GRIK4: variants seen among roughly 807,000 people sequenced by gnomAD.
The protein encoded by GRIK4 is glutamate ionotropic receptor kainate type subunit 4.
GRIK4 carries 40 observed loss-of-function variants against 104.9 expected under a neutral mutation model. That is an observed-to-expected ratio of 0.38 (90% CI 0.30 to 0.50). The LOEUF (loss-of-function observed/expected upper bound fraction) is 0.50. Among genes scored for constraint, GRIK4 ranks in the 20% least tolerant of loss-of-function variants. The probability of loss-of-function intolerance (pLI) is 0.93; values close to 1 mark genes in which losing one functional copy is unlikely to be tolerated. For synonymous variants in GRIK4, 485 were observed against 524.9 expected, an observed-to-expected ratio of 0.92 and a Z score of 1.04; for missense variants, 1,047 against 1,308.1, an observed-to-expected ratio of 0.80 and a Z score of 3.08.
At chr11:120,616,330 A>G (rs1227786731) in intron 1 of GRIK4, among the ~76,000 whole-genome samples, 1 of 152,112 alleles carries the variant, frequency 6.6e-6, no homozygotes, top group Admixed American at 6.5e-5. Context: ...TTACTAAGAG[A>G]TCCGCAGGTG....
At chr11:120,755,646 A>G (rs1482833029) in intron 3 of GRIK4, among the ~76,000 whole-genome samples, 2 of 150,586 alleles carry the variant, frequency 1.3e-5, no homozygotes, top group African/African-American at 2.4e-5. Context: ...ATAATAAATA[A>G]TAATAATAAT....
At chr11:120,787,746 A>T (rs1952310808) in intron 3 of GRIK4, among the ~76,000 whole-genome samples, 1 of 151,666 alleles carries the variant, frequency 6.6e-6, no homozygotes, top group South Asian at 2.1e-4. Flanking sequence ...TACAGGTGTG[A>T]GCCACCGCAC....
intron 1 of GRIK4, among the ~76,000 whole-genome samples, chr11:120,649,584 G>A (rs935388244): frequency 6.6e-6 from 1 of 152,116 alleles, no homozygotes; most frequent in Non-Finnish European, 1.5e-5. Context: ...CTGGCTTCAG[G>A]TGGTGGCATT....
chr11:120,655,550 C>A (rs1036588442), intron 2 of GRIK4, among the ~76,000 whole-genome samples: 1 of 152,140 alleles, frequency 6.6e-6, no homozygotes, highest in South Asian at 2.1e-4. Context: ...TGTAAGAAGC[C>A]CCTGGCTGCT....
At chr11:120,643,975 T>G (rs905189036) in intron 1 of GRIK4, among the ~76,000 whole-genome samples, 3 of 151,734 alleles carry the variant, frequency 2.0e-5, no homozygotes, top group Non-Finnish European at 4.4e-5. Context: ...ATAATAGTAC[T>G]TTATATATAG....
chr11:120,948,842 C>T (rs1943929354), intron 14 of GRIK4, among the ~76,000 whole-genome samples: 2 of 152,166 alleles, frequency 1.3e-5, no homozygotes, highest in South Asian at 4.1e-4. Context: ...TATGAGTTAA[C>T]TCACTGAGTT....
chr11:120,948,789 C>T (rs370599398), intron 14 of GRIK4, among the ~76,000 whole-genome samples: 33 of 152,320 alleles, frequency 2.2e-4, no homozygotes, highest in African/African-American at 7.2e-4. Flanking sequence ...CCTTCACTCA[C>T]GGCTACCATT....
At chr11:120,642,395 C>T (rs535343245) in intron 1 of GRIK4, among the ~76,000 whole-genome samples, 10 of 152,074 alleles carry the variant, frequency 6.6e-5, no homozygotes, top group South Asian at 2.1e-4. Context: ...AGAACATTGA[C>T]GGAGCAGCTG....
At chr11:120,561,609 C>A (rs1948239981) in intron 1 of GRIK4, among the ~76,000 whole-genome samples, 1 of 152,192 alleles carries the variant, frequency 6.6e-6, no homozygotes. Flanking sequence ...AAAGGGTGTC[C>A]CAGGCCACAC....
At position 120,911,979 on chromosome 11, in the gene GRIK4, T is replaced by A. The variant is rs531879865; in HGVS notation, c.1476+6486T>A. On this transcript the variant is annotated intron_variant, in intron 13 of 20. Coordinates refer to ENST00000527524, the MANE Select transcript of GRIK4 (RefSeq NM_014619.5). ...CCTGGTAATACCCATGGCTAACACT[T>A]CTGTATCATGCCTTCTAATTTTTAA... Among the ~76,000 whole-genome samples, 7 of 152,364 alleles carry A rather than the reference T, an allele frequency of 4.6e-5. No homozygotes were observed. In the South Asian group the frequency reaches 1.5e-3, roughly 32 times the overall value.
intron 3 of GRIK4, among the ~76,000 whole-genome samples, chr11:120,747,590 G>C (rs1951467755): frequency 6.6e-6 from 1 of 152,216 alleles, no homozygotes; most frequent in Admixed American, 6.5e-5. Context: ...TTACTTTGGA[G>C]GTCTTCAGAA....
At chr11:120,968,907 C>T (rs1170461380) in intron 19 of GRIK4, among the ~76,000 whole-genome samples, 2 of 152,158 alleles carry the variant, frequency 1.3e-5, no homozygotes, top group Non-Finnish European at 2.9e-5. Context: ...TTGGCTCATC[C>T]CTGGGCCCAG....
intron 3 of GRIK4, among the ~76,000 whole-genome samples, chr11:120,712,161 G>A (rs549184034): frequency 6.6e-6 from 1 of 152,338 alleles, no homozygotes; most frequent in African/African-American, 2.4e-5. Flanking sequence ...GGGTGCTAAG[G>A]GAACCTGGGG....
chr11:120,608,300 A>G (rs1221166840), intron 1 of GRIK4, among the ~76,000 whole-genome samples: 1 of 152,234 alleles, frequency 6.6e-6, no homozygotes, highest in Non-Finnish European at 1.5e-5. Context: ...CAGCCTGGAC[A>G]ATGCAGTGAG....
chr11:120,715,689 C>G (rs1950817789), intron 3 of GRIK4, among the ~76,000 whole-genome samples: 1 of 152,168 alleles, frequency 6.6e-6, no homozygotes, highest in African/African-American at 2.4e-5. Flanking sequence ...TGGCCCCAAA[C>G]CTCTGGGAAG....
intron 8 of GRIK4, among the ~76,000 whole-genome samples, chr11:120,840,986 A>C (rs900251926): frequency 2.0e-5 from 3 of 152,150 alleles, no homozygotes; most frequent in Non-Finnish European, 4.4e-5. Flanking sequence ...GGAATTATAC[A>C]ATATTTATCT....
chr11:120,716,545 C>T (rs1384729742), intron 3 of GRIK4, among the ~76,000 whole-genome samples: 3 of 152,176 alleles, frequency 2.0e-5, no homozygotes, highest in Admixed American at 6.5e-5. Flanking sequence ...CGTCTGGCTA[C>T]GCTCTATGTG....
At chr11:120,925,036 G>C (rs938240247) in intron 13 of GRIK4, among the ~76,000 whole-genome samples, 1 of 152,160 alleles carries the variant, frequency 6.6e-6, no homozygotes, top group Admixed American at 6.5e-5. Context: ...TGGGGAGGTG[G>C]GGCAGTTCAG....
At chr11:120,548,211 C>T (rs1948105590) in intron 1 of GRIK4, among the ~76,000 whole-genome samples, 1 of 152,042 alleles carries the variant, frequency 6.6e-6, no homozygotes, top group Non-Finnish European at 1.5e-5. Flanking sequence ...AAATAGACAC[C>T]ATGCATGACA....
Sources: gnomAD v4.1 joint callset for allele counts (sites outside exome capture counted in the v4.1 genomes callset) on GRCh38, gnomAD v4.1.1 for gene constraint, MANE v1.5 for transcripts, NCBI Gene and HGNC (gene_info 2026-07-23, HGNC 2026-07-21) for gene names.